MTUS2: variants seen among roughly 807,000 people sequenced by gnomAD.
MTUS2 encodes the protein microtubule-associated tumor suppressor candidate 2.
MTUS2 carries 40 observed loss-of-function variants against 114.1 expected under a neutral mutation model. The ratio of observed to expected loss-of-function variants is 0.35; its 90% CI spans 0.27 to 0.46. MTUS2 has a LOEUF of 0.46. Among genes scored for constraint, MTUS2 ranks in the 20% least tolerant of loss-of-function variants. The probability of loss-of-function intolerance (pLI) is 1.00; values close to 1 mark genes in which losing one functional copy is unlikely to be tolerated. For synonymous variants in MTUS2, 688 were observed against 672.0 expected, an observed-to-expected ratio of 1.02 and a Z score of -0.37; for missense variants, 1,679 against 1,705.4, an observed-to-expected ratio of 0.98 and a Z score of 0.27.
intron 9 of MTUS2, chr13:29,476,499 A>T (rs1420661366): frequency 1.3e-5 from 2 of 152,316 alleles, no homozygotes; most frequent in East Asian, 3.9e-4. Flanking sequence ...TTAGTTTTTT[A>T]AAAATGTTCT....
At chr13:28,896,221 A>G (rs944104083) in intron 2 of MTUS2, among the ~76,000 whole-genome samples, 68 of 152,332 alleles carry the variant, frequency 4.5e-4, no homozygotes, top group African/African-American at 1.6e-3. Context: ...TCTATAATCA[A>G]TGTGCAAAAA....
rs115594873 is a variant in MTUS2, at chr13:29,255,083, G to A, written c.2645-26621G>A. Among the ~76,000 whole-genome samples the A allele has an allele frequency of 8.5e-3, 1,291 of 152,196 alleles. 21 individuals carry two copies. The highest frequency in any genetic ancestry group is 0.029 in the African/African-American group (1,209 of 41,516). On this transcript the variant is annotated intron_variant, in intron 5 of 15. Coordinates refer to ENST00000612955, the MANE Select transcript of MTUS2 (RefSeq NM_001033602.4). ...TTATAAGCAAGTGATTTTTCCCAGC[G>A]GTGCACACATGCATCGGCAGTAAGT...
intron 9 of MTUS2, among the ~76,000 whole-genome samples, chr13:29,477,761 CA>C (rs1880811568): frequency 1.3e-5 from 2 of 152,084 alleles, no homozygotes; most frequent in Admixed American, 6.5e-5. Flanking sequence ...CTACTTGCAG[CA>C]GATGTGACAA....
chr13:29,108,658 C>T (rs17573810), intron 5 of MTUS2, among the ~76,000 whole-genome samples: 25,788 of 152,046 alleles, frequency 0.17, 2,560 homozygotes, highest in Non-Finnish European at 0.23. Context: ...CACATAAAGC[C>T]ATGCAGGGAA....
intron 5 of MTUS2, among the ~76,000 whole-genome samples, chr13:29,117,937 G>T (rs1891158629): frequency 6.6e-6 from 1 of 152,180 alleles, no homozygotes; most frequent in Non-Finnish European, 1.5e-5. Context: ...TGTCCAGATG[G>T]TTTCACTGGA....
At chr13:29,400,282 T>A (rs1874223847) in intron 8 of MTUS2, among the ~76,000 whole-genome samples, 2 of 152,248 alleles carry the variant, frequency 1.3e-5, no homozygotes, top group Non-Finnish European at 2.9e-5. Context: ...TCTCCATGTT[T>A]AGTTACACAT....
At chr13:28,929,190 G>A (rs1003485323) in intron 2 of MTUS2, among the ~76,000 whole-genome samples, 45 of 152,128 alleles carry the variant, frequency 3.0e-4, no homozygotes, top group African/African-American at 1.1e-3. Flanking sequence ...GGTTGAAGGA[G>A]AGGTTCATTA....
chr13:29,041,482 T>C (rs1887355301), intron 4 of MTUS2, among the ~76,000 whole-genome samples: 1 of 152,186 alleles, frequency 6.6e-6, no homozygotes, highest in South Asian at 2.1e-4. Context: ...CTGTGAAGAA[T>C]GATGGTGGTA....
intron 4 of MTUS2, among the ~76,000 whole-genome samples, chr13:29,041,025 C>A (rs1254651405): frequency 1.3e-5 from 2 of 152,014 alleles, no homozygotes; most frequent in East Asian, 1.9e-4. Flanking sequence ...TCATAAAATC[C>A]TTGCCTACGA....
chr13:28,989,358 G>C (rs774009008), intron 2 of MTUS2, among the ~76,000 whole-genome samples: 1 of 152,196 alleles, frequency 6.6e-6, no homozygotes, highest in African/African-American at 2.4e-5. Context: ...TTCGATAAGG[G>C]ATACATGTAT....
intron 5 of MTUS2, among the ~76,000 whole-genome samples, chr13:29,139,987 G>A (rs549848025): frequency 2.0e-5 from 3 of 152,180 alleles, no homozygotes; most frequent in South Asian, 2.1e-4. Flanking sequence ...ACCTTTAATC[G>A]AAACACGAGG....
intron 2 of MTUS2, among the ~76,000 whole-genome samples, chr13:28,856,080 G>A (rs1047939313): frequency 1.3e-5 from 2 of 152,170 alleles, no homozygotes; most frequent in African/African-American, 4.8e-5. Flanking sequence ...GGATGTGTGA[G>A]GGGTATTCTT....
intron 8 of MTUS2, among the ~76,000 whole-genome samples, chr13:29,433,984 G>A (rs4275722): frequency 0.81 from 122,722 of 152,130 alleles, 49,897 homozygotes; most frequent in Middle Eastern, 0.86. Flanking sequence ...GGTTTAGCTT[G>A]GGAAAAAATG....
rs987802126 is a variant in MTUS2, at chr13:28,955,908, C to A, written c.-242-68549C>A. Among the ~76,000 whole-genome samples the A allele has an allele frequency of 1.2e-3, 188 of 151,522 alleles. 2 individuals are homozygous for A. Among genetic ancestry groups the A allele is most frequent in the Admixed American group, 0.012 (182 of 15,220 alleles). Reference sequence around the variant, plus strand: ...TTTGCTCCAGACATGGATGAATTTTCTTTTTTTAAAAATTTCCAGAAGTTA... The same window carrying A: ...TTTGCTCCAGACATGGATGAATTTTATTTTTTTAAAAATTTCCAGAAGTTA... On this transcript the variant is annotated intron_variant, in intron 2 of 15. Coordinates refer to ENST00000612955, the MANE Select transcript of MTUS2 (RefSeq NM_001033602.4).
At chr13:28,908,771 A>G (rs890071930) in intron 2 of MTUS2, among the ~76,000 whole-genome samples, 7 of 151,566 alleles carry the variant, frequency 4.6e-5, no homozygotes, top group East Asian at 3.9e-4. Context: ...GCCCATGCCT[A>G]TGTCCTGAAT....
At position 29,504,885 on chromosome 13, in the gene MTUS2, G is replaced by T. The variant is rs556418425; in HGVS notation, c.*1679G>T. On this transcript the variant is annotated 3_prime_UTR_variant, in exon 16 of 16. Coordinates refer to ENST00000612955, the MANE Select transcript of MTUS2 (RefSeq NM_001033602.4). The stretch of plus-strand genomic sequence containing the variant: ...TGGAACGGGGAAGAAAACAGCCCGC[G>T]GACGGGGTCGGCTTGTCCAGGGCAC... The T allele has an allele frequency of 3.9e-5, 9 of 232,474 alleles. No homozygotes were observed. The highest frequency in any genetic ancestry group is 1.3e-4 in the African/African-American group (6 of 45,294). The allele number at this position is 232,474 out of a possible 1,614,324, so 14.4% of individuals were successfully genotyped here. A position where few individuals can be genotyped will look rare whatever the true frequency, so the allele number is the denominator to read the frequency against.
intron 4 of MTUS2, among the ~76,000 whole-genome samples, chr13:29,084,049 T>C (rs1003779270): frequency 6.6e-6 from 1 of 152,140 alleles, no homozygotes; most frequent in South Asian, 2.1e-4. Context: ...ATCTATATTA[T>C]AGATTATAAT....
chr13:29,431,557 T>A (rs541093752), intron 8 of MTUS2, among the ~76,000 whole-genome samples: 1 of 152,310 alleles, frequency 6.6e-6, no homozygotes, highest in South Asian at 2.1e-4. Flanking sequence ...ACCATACCTG[T>A]TTCTGGAATT....
At chr13:29,095,357 A>T (rs1257779917) in intron 4 of MTUS2, among the ~76,000 whole-genome samples, 1 of 152,068 alleles carries the variant, frequency 6.6e-6, no homozygotes, top group Admixed American at 6.5e-5. Context: ...GTTTATAATT[A>T]TTGTATCTTC....
Sources: gnomAD v4.1 joint callset for allele counts (sites outside exome capture counted in the v4.1 genomes callset) on GRCh38, gnomAD v4.1.1 for gene constraint, MANE v1.5 for transcripts, NCBI Gene and HGNC (gene_info 2026-07-23, HGNC 2026-07-21) for gene names.